The following CPEB3 variants were observed in gnomAD, a reference collection of about 807,000 sequenced individuals.
CPEB3 encodes cytoplasmic polyadenylation element-binding protein 3.
A neutral mutation model predicts 67.2 loss-of-function variants in CPEB3; 20 were observed. That is an observed-to-expected ratio of 0.30 (90% CI 0.21 to 0.43). The LOEUF is 0.43. Ranked by LOEUF, CPEB3 falls within the 20% of genes least tolerant of loss-of-function variation. CPEB3 has a pLI of 1.00. For missense variants in CPEB3, 746 were observed against 968.6 expected (o/e 0.77, Z 3.05); for synonymous variants, 376 against 393.1 (o/e 0.96, Z 0.51).
intron 5 of CPEB3, 100 bp downstream of exon 5, chr10:92,144,845 G>GCT: frequency 1.9e-6 from 2 of 1,034,162 alleles, no homozygotes; most frequent in Non-Finnish European, 2.9e-6. Flanking sequence ...TATGCACTAA[G>GCT]ATATAGATGT....
At chr10:92,226,423 C>A (rs1046330438) in intron 2 of CPEB3, among the ~76,000 whole-genome samples, 2 of 152,198 alleles carry the variant, frequency 1.3e-5, no homozygotes, top group African/African-American at 4.8e-5. Flanking sequence ...CAGCCTTACA[C>A]CTGGTAGAAA....
chr10:92,084,859 G>A (rs1843309495), intron 8 of CPEB3, among the ~76,000 whole-genome samples: 1 of 152,150 alleles, frequency 6.6e-6, no homozygotes, highest in African/African-American at 2.4e-5. Flanking sequence ...GATTACAGGT[G>A]TGAGCCACCG....
chr10:92,261,934 A>T (rs1213717445), intron 1 of CPEB3, among the ~76,000 whole-genome samples: 1 of 152,178 alleles, frequency 6.6e-6, no homozygotes, highest in African/African-American at 2.4e-5. Flanking sequence ...AGCCTTTTCA[A>T]CTATACTACA....
At chr10:92,087,348 G>A (rs980985921) in intron 8 of CPEB3, among the ~76,000 whole-genome samples, 2 of 152,128 alleles carry the variant, frequency 1.3e-5, no homozygotes, top group Non-Finnish European at 2.9e-5. Context: ...AAAAAAGAAA[G>A]GAAGGAATTA....
At chr10:92,161,263 A>AT (rs1847461297) in intron 4 of CPEB3, among the ~76,000 whole-genome samples, 1 of 151,204 alleles carries the variant, frequency 6.6e-6, no homozygotes, top group African/African-American at 2.4e-5. Context: ...TTTTTGTTTC[A>AT]TTTTGTTTTG....
At chr10:92,135,467 T>C (rs545257131) in intron 6 of CPEB3, among the ~76,000 whole-genome samples, 2 of 152,228 alleles carry the variant, frequency 1.3e-5, no homozygotes, top group African/African-American at 4.8e-5. Context: ...TGAGATACCA[T>C]CTCACGCCAG....
At position 92,281,688 on chromosome 10, in the gene CPEB3, G is replaced by C. The variant is rs537286602; in HGVS notation, c.-12+9238C>G. 2.0e-5 allele frequency among the ~76,000 whole-genome samples: 3 copies of C among 152,274 alleles called. No individual in the cohort carries two copies. In the South Asian group the frequency reaches 6.2e-4, roughly 32 times the overall value. On this transcript the variant is annotated intron_variant, in intron 1 of 9. Transcript: ENST00000265997. ...ATCATATAGATTGTTAAAAATATGTGTATCTAAAAGTCAAGGTTAATAAAA... is the reference window on the plus strand; with the variant it reads ...ATCATATAGATTGTTAAAAATATGTCTATCTAAAAGTCAAGGTTAATAAAA...
chr10:92,258,680 T>TATA (rs1852650862), intron 1 of CPEB3, among the ~76,000 whole-genome samples: 1 of 115,486 alleles, frequency 8.7e-6, no homozygotes, highest in South Asian at 3.1e-4. Flanking sequence ...ATATATATAT[T>TATA]TCATGTATTT....
chr10:92,288,694 T>C (rs1842653143), intron 1 of CPEB3, among the ~76,000 whole-genome samples: 1 of 152,206 alleles, frequency 6.6e-6, no homozygotes, highest in Admixed American at 6.5e-5. Flanking sequence ...TATAATAAGG[T>C]CAAGGTGCAC....
At chr10:92,090,059 T>G (rs552306125) in intron 8 of CPEB3, among the ~76,000 whole-genome samples, 14 of 152,278 alleles carry the variant, frequency 9.2e-5, no homozygotes, top group Non-Finnish European at 1.9e-4. Flanking sequence ...TCCTTCCAAA[T>G]CATTAAAACA....
At chr10:92,244,910 G>A (rs527579420) in intron 1 of CPEB3, among the ~76,000 whole-genome samples, 11 of 152,106 alleles carry the variant, frequency 7.2e-5, no homozygotes, top group Non-Finnish European at 1.3e-4. Flanking sequence ...TGTGGGATTT[G>A]GTTCAGTGCT....
At chr10:92,172,937 C>A (rs952513716) in intron 4 of CPEB3, among the ~76,000 whole-genome samples, 5 of 152,174 alleles carry the variant, frequency 3.3e-5, no homozygotes, top group African/African-American at 4.8e-5. Context: ...TAAAGCACAT[C>A]TTTTAGGAAG....
chr10:92,120,297 T>C (rs931083715), intron 6 of CPEB3, among the ~76,000 whole-genome samples: 1 of 141,186 alleles, frequency 7.1e-6, no homozygotes, highest in Non-Finnish European at 1.6e-5. Flanking sequence ...AAAAACCAAA[T>C]TGCTAGGCCG....
intron 9 of CPEB3, among the ~76,000 whole-genome samples, chr10:92,075,988 G>A (rs1842919115): frequency 6.6e-6 from 1 of 152,146 alleles, no homozygotes; most frequent in African/African-American, 2.4e-5. Context: ...CACCTCATAT[G>A]GCCCTACTGC....
At chr10:92,062,041 A>T (rs1001536799) in intron 9 of CPEB3, among the ~76,000 whole-genome samples, 11 of 152,168 alleles carry the variant, frequency 7.2e-5, no homozygotes, top group Admixed American at 4.6e-4. Context: ...CAGGAGTTTG[A>T]GACCAGTCTG....
intron 1 of CPEB3, among the ~76,000 whole-genome samples, chr10:92,265,377 C>A (rs934368475): frequency 6.6e-6 from 1 of 152,142 alleles, no homozygotes; most frequent in Admixed American, 6.6e-5. Context: ...GAAGCCTCCA[C>A]CTAAACTCTT....
Position 92,192,532 on chromosome 10 carries a change from A to C in CPEB3, c.1110T>G (p.Pro370=). 3 of 1,613,998 alleles carry C rather than the reference A, an allele frequency of 1.9e-6. No individual in the cohort carries two copies. ...CGAAACTCATTGGTGGGCCACTGGG[A>C]GGGTAGTGTTTACCTTTCAGAGGTT... ...DHEPLKGKHY[P]PSGPPMSFAD... The change falls in exon 3 of 10, where the codon CCT becomes CCG. Residue 370 remains proline, a synonymous_variant. Transcript: ENST00000265997.
chr10:92,175,615 GAA>G (rs1234834200), intron 4 of CPEB3, among the ~76,000 whole-genome samples: 2 of 152,140 alleles, frequency 1.3e-5, no homozygotes, highest in African/African-American at 4.8e-5. Context: ...TAACAACTGA[GAA>G]AGGCCAGTAG....
chr10:92,239,821 T>G lies in CPEB3; in HGVS notation c.530A>C (p.Gln177Pro). ...CTGCGCCTGTGGTGGCTGCGCTGGC[T>G]GTGCCGGCTGCGGCGCGGGCGCAGG... The part of the protein sequence containing the change: ...PPPAPAPQPA[Q>P]PAQPPQAQPP... Residue 177 changes from glutamine (Q) to proline (P), a missense_variant, in exon 2 of 10, where the codon CAG becomes CCG. Coordinates refer to ENST00000265997, the MANE Select transcript of CPEB3 (RefSeq NM_014912.5). The surrounding 1 kb of genome is among the most constrained non-coding windows in gnomAD (Gnocchi z 6.0). The G allele has an allele frequency of 6.8e-7, 1 of 1,461,136 alleles. No homozygotes were observed. The highest frequency in any genetic ancestry group is 1.5e-5 in the African/African-American group (1 of 68,666). The allele number at this position is 1,461,136 out of a possible 1,614,324, so 90.5% of individuals were successfully genotyped here. A position where few individuals can be genotyped will look rare whatever the true frequency, so the allele number is the denominator to read the frequency against.
Sources: allele counts gnomAD v4.1 joint callset (sites outside exome capture counted in the v4.1 genomes callset), GRCh38; gene constraint gnomAD v4.1.1; non-coding constraint Gnocchi (gnomAD v3.1); transcripts MANE v1.5; gene names NCBI Gene and HGNC (gene_info 2026-07-23, HGNC 2026-07-21).